Variants in VEZF1 observed in about 807,000 individuals in gnomAD.
VEZF1 encodes vascular endothelial zinc finger 1.
In VEZF1, 5 loss-of-function variants were observed where a neutral mutation model predicts 44.1. The ratio of observed to expected loss-of-function variants is 0.11; its 90% CI spans 0.06 to 0.24. The LOEUF is 0.24. Ranked by LOEUF, VEZF1 falls within the 10% of genes least tolerant of loss-of-function variation. VEZF1 has a pLI of 1.00. For synonymous variants in VEZF1, 236 were observed against 233.1 expected (o/e 1.01, Z -0.11); for missense variants, 358 against 641.8 (o/e 0.56, Z 4.78).
chr17:57,985,537 C>G, intron 1 of VEZF1: 1 of 784,754 alleles, frequency 1.3e-6, no homozygotes, highest in African/African-American at 1.9e-5. Flanking sequence ...AAAAATATAA[C>G]TTCTGGGTAG....
Position 57,973,744 on chromosome 17 carries a change from AT to A in VEZF1, c.*728del, listed in dbSNP as rs4048253. ...AACACAATTTGTAGATTTTTTTTAA[AT>A]TTTTTTTTTTTTTAAAAAGTCAACT... On this transcript the variant is annotated 3_prime_UTR_variant, in exon 6 of 6. Coordinates refer to ENST00000581208, the MANE Select transcript of VEZF1 (RefSeq NM_007146.3). 1,011 of 147,548 alleles carry A rather than the reference AT, an allele frequency of 6.9e-3. 6 individuals carry two copies. Among genetic ancestry groups the A allele is most frequent in the African/African-American group, 0.012 (466 of 40,516 alleles). 9.1% of individuals were successfully genotyped at this position (147,548 alleles called of 1,614,324 possible).
At chr17:57,975,840 C>G (rs2143321817) in intron 5 of VEZF1, among the ~76,000 whole-genome samples, 1 of 152,286 alleles carries the variant, frequency 6.6e-6, no homozygotes, top group Non-Finnish European at 1.5e-5. Flanking sequence ...TTCTGTTGCT[C>G]AGGCTGGAGT....
chr17:57,980,797 G>A lies in VEZF1; in HGVS notation c.793-11C>T. On this transcript the variant is annotated splice_polypyrimidine_tract_variant and intron_variant, in intron 3 of 5. Coordinates refer to ENST00000581208, the MANE Select transcript of VEZF1 (RefSeq NM_007146.3). ...GGCAGCAGTGCACGTCTGCATGAGGGAGGAAAACTTTTTTTAAATATAGAC... is the reference window on the plus strand; with the variant it reads ...GGCAGCAGTGCACGTCTGCATGAGGAAGGAAAACTTTTTTTAAATATAGAC... 1 of 1,614,018 alleles carries A rather than the reference G, an allele frequency of 6.2e-7. No homozygotes were observed. The highest frequency in any genetic ancestry group is 8.5e-7 in the Non-Finnish European group (1 of 1,179,936).
chr17:57,974,762 C>G lies in VEZF1; in HGVS notation c.1277G>C (p.Ser426Thr). The G allele has an allele frequency of 6.2e-7, 1 of 1,614,142 alleles. No homozygotes were observed. Among genetic ancestry groups the G allele is most frequent in the Non-Finnish European group, 8.5e-7 (1 of 1,180,020 alleles). ...VTVAAAMSMRSPVNVSSAVNI... is the reference protein window; with the variant it reads ...VTVAAAMSMRTPVNVSSAVNI... Reference sequence around the variant, plus strand: ...AACTGCACTTGAAACATTTACTGGACTTCTCATGCTCATTGCAGCTGCCAC... The same window carrying G: ...AACTGCACTTGAAACATTTACTGGAGTTCTCATGCTCATTGCAGCTGCCAC... The change falls in exon 6 of 6, where the codon AGT (serine) becomes ACT (threonine). Residue 426 changes from serine to threonine, a missense_variant. Physicochemically the swap from Ser to Thr is moderately conservative, Grantham distance 58. Around this residue, in one of 4 missense-constraint regions of VEZF1, gnomAD observed 171 missense variants for 272.4 expected, o/e 0.63. Coordinates refer to ENST00000581208, the MANE Select transcript of VEZF1 (RefSeq NM_007146.3).
intron 5 of VEZF1, among the ~76,000 whole-genome samples, chr17:57,975,996 G>A (rs1306889375): frequency 6.6e-6 from 1 of 151,954 alleles, no homozygotes; most frequent in Non-Finnish European, 1.5e-5. Flanking sequence ...ACTGGGTTTC[G>A]CCACGTTGCC....
chr17:57,979,341 GTATC>G (rs758236973), intron 4 of VEZF1, 28 bp from the exon 5 acceptor site: 1 of 1,607,112 alleles, frequency 6.2e-7, no homozygotes. Flanking sequence ...CAAAAACACT[GTATC>G]TACCTGTAAA....
chr17:57,985,287 A>G, intron 1 of VEZF1: 1 of 1,231,724 alleles, frequency 8.1e-7, no homozygotes, highest in African/African-American at 1.5e-5. Context: ...CTGTGGCAAC[A>G]TAAAGTATTT....
At chr17:57,980,450 A>G (rs2075238587) in intron 4 of VEZF1, among the ~76,000 whole-genome samples, 153 bp downstream of exon 4, 1 of 152,276 alleles carries the variant, frequency 6.6e-6, no homozygotes, top group African/African-American at 2.4e-5. Flanking sequence ...TAGTTCTGAC[A>G]TTAATATACT....
In VEZF1 at chr17:57,983,226, T is replaced by C; in HGVS notation, c.201A>G (p.Lys67=). ...ETLKDAIGIK[K]EKPKTSFVCT... ...ACACAAATGAAGTTTTGGGTTTTTC[T>C]TTTTTAATCCCAATGGCATCCTTTA... Residue 67 remains lysine (K), a synonymous_variant, in exon 2 of 6, where the codon AAA becomes AAG. Transcript: ENST00000581208. 6.2e-7 allele frequency: 1 copy of C among 1,614,038 alleles called. No homozygotes were observed. Among genetic ancestry groups the C allele is most frequent in the Non-Finnish European group, 8.5e-7 (1 of 1,179,982 alleles).
chr17:57,986,465 C>G (rs1207543422), intron 1 of VEZF1, among the ~76,000 whole-genome samples: 1 of 152,098 alleles, frequency 6.6e-6, no homozygotes, highest in Non-Finnish European at 1.5e-5. Context: ...TGGATGCATG[C>G]TAGTTATATA....
rs771977116 is a variant in VEZF1, at chr17:57,974,539, T to C, written c.1500A>G (p.Ile500Met). The C allele has an allele frequency of 1.2e-6, 2 of 1,614,196 alleles. No homozygotes were observed. The highest frequency in any genetic ancestry group is 1.3e-5 in the African/African-American group (1 of 75,038). Residue 500 changes from isoleucine (I) to methionine (M), a missense_variant, in exon 6 of 6, where the codon ATA becomes ATG. Ile to Met is a conservative substitution (Grantham distance 10, BLOSUM62 1). Coordinates refer to ENST00000581208, the MANE Select transcript of VEZF1 (RefSeq NM_007146.3). ...TPMTLAAPLN[I>M]AMRPVESMPF... Reference sequence around the variant, plus strand: ...GCATGCTCTCTACAGGTCTCATTGCTATATTGAGAGGGGCGGCTAATGTCA... The same window carrying C: ...GCATGCTCTCTACAGGTCTCATTGCCATATTGAGAGGGGCGGCTAATGTCA...
At chr17:57,979,720 G>T (rs1567738630) in intron 4 of VEZF1, among the ~76,000 whole-genome samples, 1 of 152,084 alleles carries the variant, frequency 6.6e-6, no homozygotes, top group Non-Finnish European at 1.5e-5. Flanking sequence ...AGCACTTTGG[G>T]AGGCCGAGGC....
intron 5 of VEZF1, among the ~76,000 whole-genome samples, chr17:57,977,287 T>TTTG (rs796748911): frequency 4.5e-4 from 69 of 152,088 alleles, no homozygotes; most frequent in South Asian, 1.7e-3. Context: ...CGGCTAATTT[T>TTTG]TTGTTGTTGT....
At chr17:57,980,886 G>A in intron 3 of VEZF1, 100 bp from the exon 4 acceptor site, 1 of 1,158,814 alleles carries the variant, frequency 8.6e-7, no homozygotes, top group Non-Finnish European at 1.2e-6. Flanking sequence ...ACATCAGCAA[G>A]CTGACAACTA....
At chr17:57,976,619 GTCTCC>G (rs1400570837) in intron 5 of VEZF1, among the ~76,000 whole-genome samples, 1 of 152,100 alleles carries the variant, frequency 6.6e-6, no homozygotes, top group African/African-American at 2.4e-5. Flanking sequence ...CAGGTCAGGA[GTCTCC>G]TCTCCTCTAA....
chr17:57,983,025 G>T lies in VEZF1; in HGVS notation c.402C>A (p.Gly134=). 6.2e-7 allele frequency: 1 copy of T among 1,614,202 alleles called. No homozygotes were observed. Among genetic ancestry groups the T allele is most frequent in the Non-Finnish European group, 8.5e-7 (1 of 1,180,032 alleles). Residue 134 remains glycine (G), a synonymous_variant, in exon 2 of 6, where the codon GGC becomes GGA. Coordinates refer to ENST00000581208, the MANE Select transcript of VEZF1 (RefSeq NM_007146.3). ...SRTSLVSTIA[G]ILSTVTTSSS... Reference sequence around the variant, plus strand: ...AAGATGTAGTGACTGTTGACAAGATGCCTGCAATGGTCGAGACCAACGAAG... The same window carrying T: ...AAGATGTAGTGACTGTTGACAAGATTCCTGCAATGGTCGAGACCAACGAAG...
chr17:57,980,369 A>G (rs2075237578), intron 4 of VEZF1, among the ~76,000 whole-genome samples: 1 of 152,156 alleles, frequency 6.6e-6, no homozygotes, highest in African/African-American at 2.4e-5. Flanking sequence ...AAGCAAGCTT[A>G]TTAATACTGC....
In VEZF1 at chr17:57,982,996, G is replaced by A. The variant is rs200424966; in HGVS notation, c.431C>T (p.Ser144Leu). ...GILSTVTTSS[S>L]GTNPSSSAST... ...GGCACTGCTACTGGGGTTGGTGCCC[G>A]AGGAAGATGTAGTGACTGTTGACAA... Residue 144 changes from serine (S) to leucine (L), a missense_variant, in exon 2 of 6, where the codon TCG becomes TTG. Physicochemically the swap from Ser to Leu is moderately radical, Grantham distance 145. Transcript: ENST00000581208. 18 of 1,614,030 alleles carry A rather than the reference G, an allele frequency of 1.1e-5. No homozygotes were observed. Among genetic ancestry groups the A allele is most frequent in the South Asian group, 3.3e-5 (3 of 91,080 alleles).
At position 57,974,791 on chromosome 17, in the gene VEZF1, G is replaced by C; in HGVS notation, c.1248C>G (p.Val416=). 1 of 1,614,204 alleles carries C rather than the reference G, an allele frequency of 6.2e-7. No homozygotes were observed. The highest frequency in any genetic ancestry group is 8.5e-7 in the Non-Finnish European group (1 of 1,180,042). ...TCATGCTCATTGCAGCTGCCACTGT[G>C]ACTGGGTTTGACATAGTCCCAGACG... The part of the protein sequence containing the change: ...SVSSGTMSNP[V]TVAAAMSMRS... The change falls in exon 6 of 6, where the codon GTC becomes GTG. Residue 416 remains valine, a synonymous_variant. Transcript: ENST00000581208.
Sources: gnomAD v4.1 joint callset for allele counts (sites outside exome capture counted in the v4.1 genomes callset) on GRCh38, gnomAD v4.1.1 for gene constraint, gnomAD v4.1.1 regional missense constraint, MANE v1.5 for transcripts, NCBI Gene and HGNC (gene_info 2026-07-23, HGNC 2026-07-21) for gene names.